Variants in ERFL observed in about 807,000 individuals in gnomAD.
The protein encoded by ERFL is ETS repressor factor like, also known as ETS domain-containing transcription factor ERF-like.
A neutral mutation model predicts 27.9 loss-of-function variants in ERFL; 8 were observed. That is an observed-to-expected ratio of 0.29 (90% CI 0.17 to 0.52). The LOEUF is 0.52. Among genes scored for constraint, ERFL ranks in the 20% least tolerant of loss-of-function variants. The probability of loss-of-function intolerance (pLI) is 0.97; values close to 1 mark genes in which losing one functional copy is unlikely to be tolerated. For missense variants in ERFL, 294 were observed against 444.4 expected (o/e 0.66, Z 3.04); for synonymous variants, 174 against 202.8 (o/e 0.86, Z 1.21).
chr19:41,908,758 C>T lies in ERFL; in HGVS notation c.617-82G>A. ...AGGGGGCTGCCTCCCTGCCATATCC[C>T]ACCCCATCTCCCCGCATCCCTCCTA... On this transcript the variant is annotated intron_variant, in intron 5 of 5. Transcript: ENST00000597630. The surrounding 1 kb of genome is among the most constrained non-coding windows in gnomAD (Gnocchi z 6.7). 1 of 684,982 alleles carries T rather than the reference C, an allele frequency of 1.5e-6. No individual in the cohort carries two copies. The highest frequency in any genetic ancestry group is 3.4e-5 in the East Asian group (1 of 29,352). 42.4% of individuals were successfully genotyped at this position (684,982 alleles called of 1,614,324 possible).
intron 1 of ERFL, among the ~76,000 whole-genome samples, chr19:41,927,554 A>C (rs2074878883): frequency 1.3e-5 from 2 of 151,970 alleles, no homozygotes; most frequent in African/African-American, 4.8e-5. Flanking sequence ...AACCTCAGAT[A>C]TCTAGATCTT....
At chr19:41,920,739 C>T (rs1486190398) in intron 1 of ERFL, among the ~76,000 whole-genome samples, 2 of 152,236 alleles carry the variant, frequency 1.3e-5, no homozygotes, top group Non-Finnish European at 2.9e-5. Flanking sequence ...TCTTCTGCCT[C>T]GACTGCACTG....
chr19:41,908,459 C>T lies in ERFL; in HGVS notation c.834G>A (p.Leu278=), dbSNP rs2074731757. Reference sequence around the variant, plus strand: ...GGCCCAGGCCCTCCCCTGTCGAGGCCAGCAGGGGCGTGGCTGTGGGGCCTC... The same window carrying T: ...GGCCCAGGCCCTCCCCTGTCGAGGCTAGCAGGGGCGTGGCTGTGGGGCCTC... ...AGGGPTATPL[L]ASTGEGLGPE... is the part of the protein sequence containing the mutation. Residue 278 remains leucine (L), a synonymous_variant, in exon 6 of 6, where the codon CTG becomes CTA. Transcript: ENST00000597630. This position sits in a 1 kb window ranked among gnomAD's most constrained non-coding sequence, Gnocchi z 6.7. The T allele has an allele frequency of 1.5e-5, 18 of 1,231,478 alleles. No homozygotes were observed. The East Asian group carries it at 5.4e-4, about 37-fold the overall frequency. The allele number at this position is 1,231,478 out of a possible 1,614,324, so 76.3% of individuals were successfully genotyped here.
Position 41,914,852 on chromosome 19 carries a change from C to G in ERFL, c.-13-1920G>C, listed in dbSNP as rs1328473095. ...CCCCTTTCCACCGTCTCTGTCTCTC[C>G]CCCCCTCCACCATCTCTGTCTCTCC... On this transcript the variant is annotated intron_variant, in intron 1 of 5. Coordinates refer to ENST00000597630, the MANE Select transcript of ERFL (RefSeq NM_001365103.2). Among the ~76,000 whole-genome samples, 7 of 9,840 alleles carry G rather than the reference C, an allele frequency of 7.1e-4. 3 individuals carry two copies. In the African/African-American group the frequency reaches 0.01, roughly 15 times the overall value. The allele number at this position is 9,840 out of a possible 152,430, so 6.5% of individuals were successfully genotyped here. A position where few individuals can be genotyped will look rare whatever the true frequency, so the allele number is the denominator to read the frequency against.
intron 1 of ERFL, among the ~76,000 whole-genome samples, chr19:41,919,153 A>T (rs61422512): frequency 0.24 from 36,276 of 151,822 alleles, 8,820 homozygotes; most frequent in African/African-American, 0.63. Context: ...ACACTCACAC[A>T]CCACTCGCAG....
chr19:41,922,754 A>G (rs1372401379), intron 1 of ERFL, among the ~76,000 whole-genome samples: 1 of 152,186 alleles, frequency 6.6e-6, no homozygotes, highest in Non-Finnish European at 1.5e-5. Context: ...TCAGGGCTCC[A>G]GGGGCATCAG....
At chr19:41,911,780 T>TC (rs1459810920) in intron 2 of ERFL, among the ~76,000 whole-genome samples, 2 of 151,824 alleles carry the variant, frequency 1.3e-5, no homozygotes, top group Non-Finnish European at 2.9e-5. Flanking sequence ...AACCCGATAC[T>TC]CCATCTGTCC....
chr19:41,915,992 T>A (rs1273815069), intron 1 of ERFL, among the ~76,000 whole-genome samples: 1 of 151,902 alleles, frequency 6.6e-6, no homozygotes, highest in African/African-American at 2.4e-5. Context: ...AGCTTTAATT[T>A]TTAATTTTAT....
intron 1 of ERFL, among the ~76,000 whole-genome samples, chr19:41,915,231 G>A (rs911263601): frequency 1.2e-4 from 16 of 138,558 alleles, no homozygotes; most frequent in African/African-American, 4.1e-4. Context: ...ACGTTATAAC[G>A]AGGAGCCGTG....
At chr19:41,912,586 C>T (rs1029655557) in intron 2 of ERFL, among the ~76,000 whole-genome samples, 21 of 152,334 alleles carry the variant, frequency 1.4e-4, no homozygotes, top group African/African-American at 4.6e-4. Context: ...GGGCCTCGGG[C>T]CCCTCCGTCC....
rs1458573601 is a variant in ERFL at position 41,910,048 on chromosome 19, C to T, written c.117G>A (p.Ser39=). ...TAAAGTGCCACAGCTGGATCTGCCT[C>T]GAGCCAGGGGATGACTCTGGCTTGT... ...WAYKPESSPG[S]RQIQLWHFIL... Residue 39 remains serine, a synonymous_variant, in exon 3 of 6, where the codon TCG becomes TCA. Coordinates refer to ENST00000597630, the MANE Select transcript of ERFL (RefSeq NM_001365103.2). This position sits in a 1 kb window ranked among gnomAD's most constrained non-coding sequence, Gnocchi z 4.4. The T allele has an allele frequency of 2.2e-5, 36 of 1,613,500 alleles. No homozygotes were observed. Among genetic ancestry groups the T allele is most frequent in the African/African-American group, 5.3e-5 (4 of 75,018 alleles).
Position 41,908,570 on chromosome 19 carries a change from C to T in ERFL, c.723G>A (p.Lys241=). ...FNPYLTGPFP[K]LPPSLYPPHF... ...GCGGGGGGTAGAGAGAGGGAGGCAG[C>T]TTGGGGAAGGGGCCCGTGAGGTACG... Residue 241 remains lysine, a synonymous_variant, in exon 6 of 6, where the codon AAG becomes AAA. Coordinates refer to ENST00000597630, the MANE Select transcript of ERFL (RefSeq NM_001365103.2). The surrounding 1 kb of genome is among the most constrained non-coding windows in gnomAD (Gnocchi z 6.7). The T allele has an allele frequency of 1.6e-6, 2 of 1,231,698 alleles. No homozygotes were observed. Among genetic ancestry groups the T allele is most frequent in the Non-Finnish European group, 2.0e-6 (2 of 988,032 alleles). 76.3% of individuals were successfully genotyped at this position (1,231,698 alleles called of 1,614,324 possible).
Position 41,908,938 on chromosome 19 carries a change from C to T in ERFL, c.616+122G>A, listed in dbSNP as rs2074736088. 1.8e-6 allele frequency: 1 copy of T among 569,396 alleles called. No homozygotes were observed. The highest frequency in any genetic ancestry group is 2.6e-6 in the Non-Finnish European group (1 of 383,266). The allele number at this position is 569,396 out of a possible 1,614,324, so 35.3% of individuals were successfully genotyped here. A position where few individuals can be genotyped will look rare whatever the true frequency, so the allele number is the denominator to read the frequency against. ...CTTTTCTGGGTTTTACACACACACA[C>T]CCTACAACCTGGCCCTGGGCCCCCT... On this transcript the variant is annotated intron_variant, in intron 5 of 5. Coordinates refer to ENST00000597630, the MANE Select transcript of ERFL (RefSeq NM_001365103.2). The surrounding 1 kb of genome is among the most constrained non-coding windows in gnomAD (Gnocchi z 6.7).
At position 41,919,389 on chromosome 19, in the gene ERFL, CACAA is replaced by C. The variant is rs1331480484; in HGVS notation, c.-13-6461_-13-6458del. 3.9e-4 allele frequency among the ~76,000 whole-genome samples: 60 copies of C among 152,032 alleles called. 1 individual carries two copies. In the South Asian group the frequency reaches 0.011, roughly 27 times the overall value. On this transcript the variant is annotated intron_variant, in intron 1 of 5. Coordinates refer to ENST00000597630, the MANE Select transcript of ERFL (RefSeq NM_001365103.2). Reference sequence around the variant, plus strand: ...ACACAAACATACACAATCAAACATACACAAACAGTCATCAGTGCTCTTTAGGGCT... The same window carrying C: ...ACACAAACATACACAATCAAACATACACAGTCATCAGTGCTCTTTAGGGCT...
chr19:41,910,235 C>G lies in ERFL; in HGVS notation c.68-138G>C. ...TCTTTAGGGACCTGGTTTCCACACT[C>G]CAAACCTCCTCCCTTTGTGTCTGGT... is the stretch of plus-strand genomic sequence containing the variant. On this transcript the variant is annotated intron_variant, in intron 2 of 5. Coordinates refer to ENST00000597630, the MANE Select transcript of ERFL (RefSeq NM_001365103.2). This position sits in a 1 kb window ranked among gnomAD's most constrained non-coding sequence, Gnocchi z 4.4. 1.2e-6 allele frequency: 1 copy of G among 827,732 alleles called. No individual in the cohort carries two copies. The highest frequency in any genetic ancestry group is 1.9e-6 in the Non-Finnish European group (1 of 535,060). 51.3% of individuals were successfully genotyped at this position (827,732 alleles called of 1,614,324 possible). A position where few individuals can be genotyped will look rare whatever the true frequency, so the allele number is the denominator to read the frequency against.
rs2074777447 is a variant in ERFL at position 41,914,583 on chromosome 19, CT to C, written c.-13-1652del. On this transcript the variant is annotated intron_variant, in intron 1 of 5. Coordinates refer to ENST00000597630, the MANE Select transcript of ERFL (RefSeq NM_001365103.2). ...CCACCATCTCTGTCTCCGTCTCTCC[CT>C]CCCTTTCCACCATCTCTGTCTCTCC... Among the ~76,000 whole-genome samples the C allele has an allele frequency of 2.1e-4, 13 of 61,028 alleles. 1 individual carries two copies. The highest frequency in any genetic ancestry group is 1.9e-4 in the Non-Finnish European group (6 of 30,988). The allele number at this position is 61,028 out of a possible 152,430, so 40.0% of individuals were successfully genotyped here. A position where few individuals can be genotyped will look rare whatever the true frequency, so the allele number is the denominator to read the frequency against.
chr19:41,920,535 C>T (rs781964061), intron 1 of ERFL, among the ~76,000 whole-genome samples: 1 of 151,924 alleles, frequency 6.6e-6, no homozygotes, highest in Non-Finnish European at 1.5e-5. Context: ...ACATGATGCA[C>T]TCACAGACAG....
chr19:41,915,575 A>G (rs935772378), intron 1 of ERFL, among the ~76,000 whole-genome samples: 1 of 148,996 alleles, frequency 6.7e-6, no homozygotes, highest in Non-Finnish European at 1.5e-5. Flanking sequence ...CCACATCTCC[A>G]TATCTCCTCC....
rs569913102 is a variant in ERFL, at chr19:41,918,416, C to T, written c.-13-5484G>A. On this transcript the variant is annotated intron_variant, in intron 1 of 5. Coordinates refer to ENST00000597630, the MANE Select transcript of ERFL (RefSeq NM_001365103.2). ...TACACATACCATATCACACACACCACACACATATCACACACACACATAAAT... is the reference window on the plus strand; with the variant it reads ...TACACATACCATATCACACACACCATACACATATCACACACACACATAAAT... Among the ~76,000 whole-genome samples the T allele has an allele frequency of 2.2e-4, 30 of 133,498 alleles. 2 individuals carry two copies. The South Asian group carries it at 6.5e-3, about 29-fold the overall frequency. 87.6% of individuals were successfully genotyped at this position (133,498 alleles called of 152,430 possible).
Sources: gnomAD v4.1 joint callset for allele counts (sites outside exome capture counted in the v4.1 genomes callset) on GRCh38, gnomAD v4.1.1 for gene constraint, Gnocchi (gnomAD v3.1) non-coding constraint, MANE v1.5 for transcripts, NCBI Gene and HGNC (gene_info 2026-07-23, HGNC 2026-07-21) for gene names.